CEP112: variants seen among roughly 807,000 people sequenced by gnomAD.
CEP112 encodes centrosomal protein 112, also known as centrosomal protein of 112 kDa.
A neutral mutation model predicts 153.0 loss-of-function variants in CEP112; 127 were observed. That is an observed-to-expected ratio of 0.83 (90% confidence interval 0.72 to 0.96). The LOEUF is 0.96. Ranked by LOEUF, CEP112 falls within the 40% of genes least tolerant of loss-of-function variation. CEP112 has a pLI of 0.00. For synonymous variants in CEP112, 358 were observed against 374.4 expected, an observed-to-expected ratio of 0.96 and a Z score of 0.51; for missense variants, 1,089 against 1,101.2, an observed-to-expected ratio of 0.99 and a Z score of 0.16.
At chr17:66,179,446 A>G (rs1255916376) in intron 2 of CEP112, among the ~76,000 whole-genome samples, 1 of 151,940 alleles carries the variant, frequency 6.6e-6, no homozygotes, top group Non-Finnish European at 1.5e-5. Flanking sequence ...TTTTATTTGT[A>G]GCAATTGGAA....
chr17:66,027,449 A>G (rs996279867), intron 16 of CEP112, 52 bp downstream of exon 16: 1 of 1,300,158 alleles, frequency 7.7e-7, no homozygotes, highest in African/African-American at 1.5e-5. Flanking sequence ...AGTCTGCATT[A>G]ATGCCTCATT....
At chr17:65,943,896 G>A (rs193082647) in intron 18 of CEP112, among the ~76,000 whole-genome samples, 585 of 152,236 alleles carry the variant, frequency 3.8e-3, no homozygotes, top group Non-Finnish European at 6.0e-3. Context: ...GTTCTCAGAG[G>A]TGTTGTTCAT....
intron 20 of CEP112, among the ~76,000 whole-genome samples, chr17:65,891,411 G>A (rs2059461704): frequency 6.6e-6 from 1 of 152,076 alleles, no homozygotes; most frequent in African/African-American, 2.4e-5. Flanking sequence ...ACTTAGCTTG[G>A]CAACAAAAGA....
At chr17:65,849,512 T>C (rs2057850442) in intron 21 of CEP112, among the ~76,000 whole-genome samples, 1 of 152,242 alleles carries the variant, frequency 6.6e-6, no homozygotes, top group Non-Finnish European at 1.5e-5. Flanking sequence ...AAATTATCTT[T>C]ACCCTGTAAA....
At chr17:66,166,903 CAAAA>C (rs10714039) in intron 4 of CEP112, among the ~76,000 whole-genome samples, 1 of 88,510 alleles carries the variant, frequency 1.1e-5, no homozygotes, top group African/African-American at 4.3e-5. Context: ...GACTCCATCT[CAAAA>C]AAAAAAAAAA....
At chr17:65,753,759 T>C (rs1019402592) in intron 21 of CEP112, among the ~76,000 whole-genome samples, 17 of 152,312 alleles carry the variant, frequency 1.1e-4, no homozygotes, top group Admixed American at 1.1e-3. Context: ...CTGTTCTAAG[T>C]GCTTTAAAAA....
intron 24 of CEP112, chr17:65,655,348 C>T (rs2046009641): frequency 6.4e-7 from 1 of 1,567,728 alleles, no homozygotes; most frequent in Non-Finnish European, 8.8e-7. Context: ...GCCAAATTAC[C>T]ACCACCTAAA....
At chr17:65,723,775 T>C (rs1002751467) in intron 23 of CEP112, among the ~76,000 whole-genome samples, 4 of 152,336 alleles carry the variant, frequency 2.6e-5, no homozygotes, top group African/African-American at 7.2e-5. Context: ...CCTTTCATCA[T>C]TATTTACACA....
chr17:65,662,415 T>G (rs2046432034), intron 24 of CEP112, among the ~76,000 whole-genome samples: 1 of 152,224 alleles, frequency 6.6e-6, no homozygotes, highest in Non-Finnish European at 1.5e-5. Context: ...GTGTGCTCTT[T>G]CAGGAATGTC....
intron 4 of CEP112, among the ~76,000 whole-genome samples, chr17:66,165,595 G>A (rs1337959358): frequency 6.6e-6 from 1 of 152,196 alleles, no homozygotes; most frequent in Non-Finnish European, 1.5e-5. Context: ...ACATATAAAA[G>A]TGGAGTTTAA....
rs1355634852 is a variant in CEP112, at chr17:66,053,891, A to G, written c.1075-12T>C. The stretch of plus-strand genomic sequence containing the variant: ...ACAGCATTGTGAAGCTACATCAGGA[A>G]ATCAAGAGTTGACTCTTTTACTACT... On this transcript the variant is annotated splice_polypyrimidine_tract_variant and intron_variant, in intron 11 of 26. Coordinates refer to ENST00000535342, the MANE Select transcript of CEP112 (RefSeq NM_001199165.4). 6.2e-7 allele frequency: 1 copy of G among 1,604,440 alleles called. No homozygotes were observed. Among genetic ancestry groups the G allele is most frequent in the East Asian group, 2.2e-5 (1 of 44,680 alleles).
intron 19 of CEP112, among the ~76,000 whole-genome samples, chr17:65,910,034 A>T (rs1251658296): frequency 2.0e-5 from 3 of 152,180 alleles, no homozygotes; most frequent in Non-Finnish European, 4.4e-5. Flanking sequence ...ACTTGGACTG[A>T]TTCTCTCTGA....
chr17:66,027,600 T>A (rs1283241792), intron 15 of CEP112, 40 bp from the exon 16 acceptor site: 6 of 1,133,064 alleles, frequency 5.3e-6, no homozygotes, highest in Non-Finnish European at 7.1e-6. Flanking sequence ...TACTTTAAAT[T>A]ATACTAGAGT....
chr17:65,647,236 C>T (rs899355204), intron 24 of CEP112, among the ~76,000 whole-genome samples: 10 of 142,236 alleles, frequency 7.0e-5, no homozygotes, highest in Non-Finnish European at 1.0e-4. Flanking sequence ...TGCAATGGCG[C>T]GATCTCGGCT....
chr17:66,083,974 A>C (rs560851222), intron 8 of CEP112, among the ~76,000 whole-genome samples: 8 of 152,356 alleles, frequency 5.3e-5, no homozygotes, highest in African/African-American at 1.4e-4. Context: ...TAGACAAAAA[A>C]GAGGTAATTT....
At chr17:65,681,075 A>G (rs1261018944) in intron 24 of CEP112, among the ~76,000 whole-genome samples, 2 of 152,180 alleles carry the variant, frequency 1.3e-5, no homozygotes, top group African/African-American at 4.8e-5. Flanking sequence ...CAGATAGATA[A>G]AAGTGGGACA....
intron 20 of CEP112, among the ~76,000 whole-genome samples, chr17:65,853,277 A>G (rs1269365423): frequency 6.6e-6 from 1 of 151,588 alleles, no homozygotes; most frequent in Admixed American, 6.6e-5. Context: ...TGGTGTGTAA[A>G]TGCATCATTC....
intron 21 of CEP112, among the ~76,000 whole-genome samples, chr17:65,824,448 G>C (rs926667111): frequency 1.3e-5 from 2 of 152,212 alleles, no homozygotes; most frequent in African/African-American, 4.8e-5. Flanking sequence ...AAATGTTTGA[G>C]GTGATGGAAC....
chr17:65,874,839 A>G (rs2058771152), intron 20 of CEP112, among the ~76,000 whole-genome samples: 1 of 152,094 alleles, frequency 6.6e-6, no homozygotes, highest in Non-Finnish European at 1.5e-5. Flanking sequence ...TGTATTCTCT[A>G]TATTGACAAA....
Sources: gnomAD v4.1 joint callset for allele counts (sites outside exome capture counted in the v4.1 genomes callset) on GRCh38, gnomAD v4.1.1 for gene constraint, MANE v1.5 for transcripts, NCBI Gene and HGNC (gene_info 2026-07-23, HGNC 2026-07-21) for gene names.